NAALADL2: variants seen among roughly 807,000 people sequenced by gnomAD.
The protein encoded by NAALADL2 is inactive N-acetylated-alpha-linked acidic dipeptidase-like protein 2.
A neutral mutation model predicts 87.2 loss-of-function variants in NAALADL2; 76 were observed. That is an observed-to-expected ratio of 0.87 (90% confidence interval 0.72 to 1.05). The LOEUF (loss-of-function observed/expected upper bound fraction) is 1.05. NAALADL2 is among the 50% of genes least tolerant of loss of function. NAALADL2 has a pLI of 0.00. For missense variants in NAALADL2, 1,089 were observed against 945.8 expected, an observed-to-expected ratio of 1.15 and a Z score of -1.99; for synonymous variants, 354 against 331.0, an observed-to-expected ratio of 1.07 and a Z score of -0.75.
intron 9 of NAALADL2, among the ~76,000 whole-genome samples, chr3:175,534,234 A>G (rs1734493561): frequency 6.6e-6 from 1 of 152,058 alleles, no homozygotes; most frequent in Admixed American, 6.5e-5. Flanking sequence ...AATCTGTATT[A>G]GCGTTCTCTA....
intron 5 of NAALADL2, among the ~76,000 whole-genome samples, chr3:175,371,850 T>A (rs1301229374): frequency 6.6e-6 from 1 of 152,006 alleles, no homozygotes; most frequent in Non-Finnish European, 1.5e-5. Flanking sequence ...AAATGGCTAT[T>A]ATTCATCTTT....
chr3:174,540,633 C>T (rs1301167041), intron 1 of NAALADL2: 1 of 152,134 alleles, frequency 6.6e-6, no homozygotes, highest in East Asian at 1.9e-4. Flanking sequence ...ACAAGAAGAA[C>T]TTTAATAGTT....
chr3:175,300,755 T>TTTTTTTTA lies in NAALADL2; in HGVS notation c.940-23417_940-23416insTTTTATTT, dbSNP rs1756963075. Among the ~76,000 whole-genome samples the TTTTTTTTA allele has an allele frequency of 1.4e-5, 2 of 146,360 alleles. 1 individual carries two copies. The highest frequency in any genetic ancestry group is 4.2e-4 in the South Asian group (2 of 4,748). On this transcript the variant is annotated intron_variant, in intron 4 of 13. Coordinates refer to ENST00000454872, the MANE Select transcript of NAALADL2 (RefSeq NM_207015.3). ...CCATCTCCTGGATTTATTTATTTAT[T>TTTTTTTTA]TTTATTTATTTATTTATTTATTTAT...
chr3:174,869,761 C>G (rs1352238933), intron 1 of NAALADL2, among the ~76,000 whole-genome samples: 4 of 151,988 alleles, frequency 2.6e-5, no homozygotes, highest in Non-Finnish European at 1.5e-5. Flanking sequence ...TTTGGGAGGC[C>G]AAGACGTATG....
chr3:175,026,813 GC>G (rs1411268433), intron 1 of NAALADL2, among the ~76,000 whole-genome samples: 1 of 152,100 alleles, frequency 6.6e-6, no homozygotes, highest in Admixed American at 6.6e-5. Flanking sequence ...AAGGAACATG[GC>G]ATTAAGGATT....
chr3:174,476,590 A>C (rs986833557), intron 1 of NAALADL2, among the ~76,000 whole-genome samples: 2 of 152,056 alleles, frequency 1.3e-5, no homozygotes, highest in Non-Finnish European at 2.9e-5. Flanking sequence ...AATACTCAGA[A>C]ATAGGTACAA....
intron 4 of NAALADL2, among the ~76,000 whole-genome samples, chr3:175,312,756 G>A (rs1758542873): frequency 6.6e-6 from 1 of 152,110 alleles, no homozygotes; most frequent in South Asian, 2.1e-4. Context: ...GAGAATTATA[G>A]TAACTTATAT....
intron 1 of NAALADL2, among the ~76,000 whole-genome samples, chr3:175,086,250 G>T (rs1326432960): frequency 6.6e-6 from 1 of 152,124 alleles, no homozygotes; most frequent in Non-Finnish European, 1.5e-5. Context: ...ACATAGGAAA[G>T]AATGAAATGA....
rs145681375 is a variant in NAALADL2 at position 175,059,122 on chromosome 3, T to G, written c.44-37668T>G. ...TGACACTTCGTGTGAAGTCATTGCT[T>G]TTTAAAGCTATTTTACCTGTTGCTG... On this transcript the variant is annotated intron_variant, in intron 1 of 13. Transcript: ENST00000454872. 8.8e-3 allele frequency among the ~76,000 whole-genome samples: 1,335 copies of G among 152,016 alleles called. 19 individuals carry two copies. The highest frequency in any genetic ancestry group is 0.031 in the African/African-American group (1,273 of 41,258).
chr3:175,395,521 G>A (rs1769664145), intron 5 of NAALADL2, among the ~76,000 whole-genome samples: 1 of 152,118 alleles, frequency 6.6e-6, no homozygotes, highest in Admixed American at 6.5e-5. Context: ...AAGGTGATGT[G>A]CTAAGTATGC....
chr3:175,062,882 C>T (rs1713802154), intron 1 of NAALADL2, among the ~76,000 whole-genome samples: 1 of 152,078 alleles, frequency 6.6e-6, no homozygotes, highest in Non-Finnish European at 1.5e-5. Context: ...GGAAATCATA[C>T]TTGGATTTCA....
At chr3:174,853,593 A>G (rs1285914334) in intron 3 of NAALADL2, among the ~76,000 whole-genome samples, 1 of 152,088 alleles carries the variant, frequency 6.6e-6, no homozygotes, top group Non-Finnish European at 1.5e-5. Context: ...CAAACTGAAG[A>G]TACAGCCCAC....
intron 2 of NAALADL2, among the ~76,000 whole-genome samples, chr3:175,177,874 A>C (rs1191441313): frequency 6.8e-6 from 1 of 146,798 alleles, no homozygotes; most frequent in Non-Finnish European, 1.5e-5. Flanking sequence ...TGCTGTAAGC[A>C]CCTACAAAAT....
At chr3:174,792,012 C>G (rs149074823) in intron 3 of NAALADL2, among the ~76,000 whole-genome samples, 8 of 152,132 alleles carry the variant, frequency 5.3e-5, no homozygotes, top group African/African-American at 1.9e-4. Flanking sequence ...AGTTCGAGAC[C>G]GGCCTGGCCA....
chr3:174,670,009 A>T (rs1425555311), intron 2 of NAALADL2, among the ~76,000 whole-genome samples: 1 of 152,012 alleles, frequency 6.6e-6, no homozygotes, highest in East Asian at 1.9e-4. Context: ...GATTGCTAAT[A>T]AAAGTATTTT....
chr3:175,445,338 T>C (rs549432834), intron 5 of NAALADL2, among the ~76,000 whole-genome samples: 10 of 152,296 alleles, frequency 6.6e-5, no homozygotes, highest in African/African-American at 2.4e-4. Context: ...TTCATGTAAA[T>C]AGTCAAATAT....
chr3:174,614,703 A>G (rs1334420259), intron 2 of NAALADL2, among the ~76,000 whole-genome samples: 1 of 152,170 alleles, frequency 6.6e-6, no homozygotes, highest in African/African-American at 2.4e-5. Flanking sequence ...GTATTTTTAA[A>G]AAATTTTTTC....
At chr3:174,954,425 A>G (rs1298870232) in intron 1 of NAALADL2, among the ~76,000 whole-genome samples, 3 of 152,118 alleles carry the variant, frequency 2.0e-5, no homozygotes, top group Admixed American at 1.3e-4. Flanking sequence ...AATTTTGTAG[A>G]CTGACAGTGA....
At chr3:175,710,747 C>CAT (rs1324616249) in intron 11 of NAALADL2, among the ~76,000 whole-genome samples, 1 of 151,548 alleles carries the variant, frequency 6.6e-6, no homozygotes, top group Non-Finnish European at 1.5e-5. Context: ...TACACATATA[C>CAT]ATATATATGA....
Sources: gnomAD v4.1 joint callset for allele counts (sites outside exome capture counted in the v4.1 genomes callset) on GRCh38, gnomAD v4.1.1 for gene constraint, MANE v1.5 for transcripts, NCBI Gene and HGNC (gene_info 2026-07-23, HGNC 2026-07-21) for gene names.